The following CAPN15 variants were observed in gnomAD, a reference collection of about 807,000 sequenced individuals.
CAPN15 encodes calpain-15.
A neutral mutation model predicts 97.9 loss-of-function variants in CAPN15; 53 were observed. The ratio of observed to expected loss-of-function variants is 0.54; its 90% confidence interval spans 0.43 to 0.68. CAPN15 has a LOEUF of 0.68. Ranked by LOEUF, CAPN15 falls within the 30% of genes least tolerant of loss-of-function variation. The probability of loss-of-function intolerance (pLI) is 0.00; values close to 1 mark genes in which losing one functional copy is unlikely to be tolerated. For synonymous variants in CAPN15, 922 were observed against 722.5 expected, an observed-to-expected ratio of 1.28 and a Z score of -4.43; for missense variants, 1,592 against 1,589.8, an observed-to-expected ratio of 1.00 and a Z score of -0.02.
At chr16:534,865 A>AT (rs2033588248) in intron 2 of CAPN15, among the ~76,000 whole-genome samples, 1 of 152,006 alleles carries the variant, frequency 6.6e-6, no homozygotes, top group Admixed American at 6.5e-5. Flanking sequence ...TGTGGTTCCC[A>AT]TGGTGGCAAG....
chr16:550,770 G>GTCA (rs201279089), intron 7 of CAPN15, among the ~76,000 whole-genome samples: 4 of 121,496 alleles, frequency 3.3e-5, no homozygotes, highest in Non-Finnish European at 5.1e-5. Flanking sequence ...GTCCCCTGCC[G>GTCA]GTGAGGGTCC....
At chr16:550,585 A>C (rs1471759553) in intron 7 of CAPN15, among the ~76,000 whole-genome samples, 8 of 148,238 alleles carry the variant, frequency 5.4e-5, no homozygotes, top group Non-Finnish European at 6.0e-5. Context: ...CCATGCCCCC[A>C]GTCGGTGAGG....
intron 7 of CAPN15, among the ~76,000 whole-genome samples, chr16:550,713 C>T (rs375455919): frequency 0.024 from 3,162 of 133,510 alleles, 51 homozygotes; most frequent in African/African-American, 0.046. Context: ...CGGTGAGGGT[C>T]CCCTGTCGGT....
chr16:548,285 G>A lies in CAPN15; in HGVS notation c.1447G>A (p.Glu483Lys). Residue 483 changes from glutamate to lysine, a missense_variant and splice_region_variant, in exon 4 of 14, where the codon GAG becomes AAG. Transcript: ENST00000219611. The part of the protein sequence containing the change: ...LWENIVAFCR[E>K]NNVSFVDDSF... The stretch of plus-strand genomic sequence containing the variant: ...GGAGAACATCGTGGCCTTCTGCCGG[G>A]AGGTGAGGCGCCCCCTCGCCCTCTT... 1.3e-6 allele frequency: 2 copies of A among 1,495,914 alleles called. No homozygotes were observed. The highest frequency in any genetic ancestry group is 1.7e-4 in the Middle Eastern group (1 of 5,732). The allele number at this position is 1,495,914 out of a possible 1,614,324, so 92.7% of individuals were successfully genotyped here. A position where few individuals can be genotyped will look rare whatever the true frequency, so the allele number is the denominator to read the frequency against.
Position 552,206 on chromosome 16 carries a change from G to T in CAPN15, c.2501G>T (p.Gly834Val). The T allele has an allele frequency of 1.3e-6, 2 of 1,533,286 alleles. No homozygotes were observed. Among genetic ancestry groups the T allele is most frequent in the Non-Finnish European group, 8.8e-7 (1 of 1,137,604 alleles). 95.0% of individuals were successfully genotyped at this position (1,533,286 alleles called of 1,614,324 possible). Residue 834 changes from glycine to valine, a missense_variant, in exon 10 of 14, where the codon GGC (glycine) becomes GTC (valine). This residue lies in a region of CAPN15 where 644 missense variants were observed against 699.6 expected (regional missense o/e 0.92). Transcript: ENST00000219611. This position sits in a 1 kb window ranked among gnomAD's most constrained non-coding sequence, Gnocchi z 6.4. ...ASLEFALFQE[G>V]SRRSDAVDSH... The stretch of plus-strand genomic sequence containing the variant: ...CTGGAGTTCGCGCTCTTCCAGGAGG[G>T]CAGCAGGTGGGTGCTGCGGGGCCCC...
intron 3 of CAPN15, among the ~76,000 whole-genome samples, chr16:543,917 C>T (rs2034339232): frequency 6.6e-6 from 1 of 152,234 alleles, no homozygotes. Context: ...GACCGCTCCC[C>T]CACATGGATG....
At position 547,477 on chromosome 16, in the gene CAPN15, C is replaced by G; in HGVS notation, c.639C>G (p.Pro213=). Residue 213 remains proline (P), a synonymous_variant, in exon 4 of 14, where the codon CCC becomes CCG. Transcript: ENST00000219611. ...CCGGGGAAGGTGCCGAGGCCAACCC[C>G]CCAGCCACCAGCCAGGGCCCAGCTG... ...GLPGEGAEAN[P]PATSQGPAAE... The G allele has an allele frequency of 1.3e-6, 2 of 1,596,450 alleles. No individual in the cohort carries two copies. The highest frequency in any genetic ancestry group is 1.7e-6 in the Non-Finnish European group (2 of 1,178,408).
chr16:547,382 C>T lies in CAPN15; in HGVS notation c.544C>T (p.Leu182=). The change falls in exon 4 of 14, where the codon CTG becomes TTG. Residue 182 remains leucine (L), a synonymous_variant. Coordinates refer to ENST00000219611, the MANE Select transcript of CAPN15 (RefSeq NM_005632.3). Reference sequence around the variant, plus strand: ...GCTGCCACGGATCCCTCCTGAGGCCCTGGTGGTCCCGGAAGTGGTGGCCCC... The same window carrying T: ...GCTGCCACGGATCCCTCCTGAGGCCTTGGTGGTCCCGGAAGTGGTGGCCCC... ...LSLPRIPPEA[L]VVPEVVAPAG... 6.4e-7 allele frequency: 1 copy of T among 1,558,390 alleles called. No individual in the cohort carries two copies. The highest frequency in any genetic ancestry group is 8.6e-7 in the Non-Finnish European group (1 of 1,159,296).
At chr16:544,214 C>A (rs1321942841) in intron 3 of CAPN15, among the ~76,000 whole-genome samples, 1 of 152,114 alleles carries the variant, frequency 6.6e-6, no homozygotes, top group Non-Finnish European at 1.5e-5. Flanking sequence ...CTGAGCAGAG[C>A]CCCCCATGGT....
At position 553,019 on chromosome 16, in the gene CAPN15, G is replaced by A; in HGVS notation, c.3061G>A (p.Asp1021Asn). 1 of 1,603,808 alleles carries A rather than the reference G, an allele frequency of 6.2e-7. No homozygotes were observed. Among genetic ancestry groups the A allele is most frequent in the African/African-American group, 1.3e-5 (1 of 74,672 alleles). ...VSTRGSLRTQ[D>N]SVPPLHRQVL... ...CACACGCGGCAGCCTGCGTACCCAG[G>A]ATAGCGTGCCACCCCTGCACAGGTG... is the stretch of plus-strand genomic sequence containing the variant. Residue 1021 changes from aspartate to asparagine, a missense_variant, in exon 13 of 14, where the codon GAT becomes AAT. Coordinates refer to ENST00000219611, the MANE Select transcript of CAPN15 (RefSeq NM_005632.3).
At chr16:544,707 C>CGT (rs2034416674) in intron 3 of CAPN15, among the ~76,000 whole-genome samples, 2 of 113,048 alleles carry the variant, frequency 1.8e-5, no homozygotes, top group Non-Finnish European at 1.7e-5. Context: ...CCCCACGTCG[C>CGT]CTCCCCCACG....
intron 3 of CAPN15, among the ~76,000 whole-genome samples, chr16:544,796 G>A (rs1276013030): frequency 3.5e-5 from 2 of 56,824 alleles, no homozygotes; most frequent in African/African-American, 9.6e-5. Context: ...CCACGTCGTC[G>A]TCTCCCCCAC....
chr16:538,146 C>G (rs1281610678), intron 3 of CAPN15: 1 of 152,250 alleles, frequency 6.6e-6, no homozygotes, highest in African/African-American at 2.4e-5. Flanking sequence ...GCGGCGCTCT[C>G]CGGCGTGGCC....
chr16:549,084 A>G lies in CAPN15; in HGVS notation c.1541A>G (p.Gln514Arg), dbSNP rs373877595. The change falls in exon 5 of 14, where the codon CAG (glutamine) becomes CGG (arginine). Residue 514 changes from glutamine to arginine, a missense_variant. Around this residue, in one of 3 missense-constraint regions of CAPN15, gnomAD observed 883 missense variants for 776.6 expected, o/e 1.14. Transcript: ENST00000219611. Reference sequence around the variant, plus strand: ...GACAGCGTGCAGCAGCGTGTGAGGCAGTGGCTGCGACCCCAGGAGATCAAC... The same window carrying G: ...GACAGCGTGCAGCAGCGTGTGAGGCGGTGGCTGCGACCCCAGGAGATCAAC... Reference protein sequence around the residue: ...AGDSVQQRVRQWLRPQEINCS... With the variant: ...AGDSVQQRVRRWLRPQEINCS... 3.7e-6 allele frequency: 6 copies of G among 1,612,514 alleles called. No individual in the cohort carries two copies. The highest frequency in any genetic ancestry group is 1.7e-5 in the Admixed American group (1 of 60,012).
chr16:549,949 C>G (rs903116781), intron 7 of CAPN15, 111 bp downstream of exon 7: 1 of 916,408 alleles, frequency 1.1e-6, no homozygotes, highest in African/African-American at 1.6e-5. Context: ...CACGAGGTGC[C>G]CCTGGCGTGG....
Position 548,222 on chromosome 16 carries a change from C to A in CAPN15, c.1384C>A (p.Arg462=). The change falls in exon 4 of 14, where the codon CGG becomes AGG. Residue 462 remains arginine (R), a synonymous_variant. Coordinates refer to ENST00000219611, the MANE Select transcript of CAPN15 (RefSeq NM_005632.3). ...RRRESMHVEQ[R]RQTDEGEAKA... is the part of the protein sequence containing the mutation. ...CAGGGAGAGCATGCACGTGGAGCAGCGGCGGCAGACAGACGAGGGCGAGGC... is the reference window on the plus strand; with the variant it reads ...CAGGGAGAGCATGCACGTGGAGCAGAGGCGGCAGACAGACGAGGGCGAGGC... 5.2e-6 allele frequency: 8 copies of A among 1,549,464 alleles called. No individual in the cohort carries two copies. Among genetic ancestry groups the A allele is most frequent in the Non-Finnish European group, 7.0e-6 (8 of 1,148,768 alleles).
chr16:529,914 A>C (rs1173260693), intron 1 of CAPN15, among the ~76,000 whole-genome samples: 1 of 152,112 alleles, frequency 6.6e-6, no homozygotes, highest in Non-Finnish European at 1.5e-5. Context: ...GGAGGCCCCC[A>C]ACCCGGGGGC....
intron 9 of CAPN15, 105 bp from the exon 10 acceptor site, chr16:551,946 C>A: frequency 7.9e-7 from 1 of 1,259,168 alleles, no homozygotes; most frequent in Non-Finnish European, 1.1e-6. Context: ...GGTGACGGAG[C>A]AGCTGGCACC....
rs1187322651 is a variant in CAPN15, at chr16:553,710, G to A, written c.*194G>A. 1 of 485,934 alleles carries A rather than the reference G, an allele frequency of 2.1e-6. No individual in the cohort carries two copies. Among genetic ancestry groups the A allele is most frequent in the Non-Finnish European group, 3.6e-6 (1 of 276,174 alleles). 30.1% of individuals were successfully genotyped at this position (485,934 alleles called of 1,614,324 possible). Reference sequence around the variant, plus strand: ...CCTCCCTGAACCCCACAGTCCGCCTGGCCAGGCCTCCTGGCCGCCACGCAG... The same window carrying A: ...CCTCCCTGAACCCCACAGTCCGCCTAGCCAGGCCTCCTGGCCGCCACGCAG... On this transcript the variant is annotated 3_prime_UTR_variant, in exon 14 of 14. Transcript: ENST00000219611.
Sources: allele counts gnomAD v4.1 joint callset (sites outside exome capture counted in the v4.1 genomes callset), GRCh38; gene constraint gnomAD v4.1.1; regional missense constraint gnomAD v4.1.1; non-coding constraint Gnocchi (gnomAD v3.1); transcripts MANE v1.5; gene names NCBI Gene and HGNC (gene_info 2026-07-23, HGNC 2026-07-21).